Variants in SMURF1 observed in about 807,000 individuals in gnomAD.
SMURF1 encodes SMAD specific E3 ubiquitin protein ligase 1.
A neutral mutation model predicts 98.0 loss-of-function variants in SMURF1; 44 were observed. The observed-to-expected ratio is 0.45, with a 90% CI of 0.35 to 0.58. The LOEUF is 0.58. SMURF1 is among the 20% of genes least tolerant of loss of function. The probability of loss-of-function intolerance (pLI) is 0.00; values close to 1 mark genes in which losing one functional copy is unlikely to be tolerated. For missense variants in SMURF1, 687 were observed against 938.4 expected, an observed-to-expected ratio of 0.73 and a Z score of 3.50; for synonymous variants, 396 against 374.9, an observed-to-expected ratio of 1.06 and a Z score of -0.65.
chr7:99,107,468 CAA>C (rs918454718), intron 1 of SMURF1, among the ~76,000 whole-genome samples: 1 of 151,990 alleles, frequency 6.6e-6, no homozygotes, highest in African/African-American at 2.4e-5. Context: ...AACAAACGAA[CAA>C]AAAAGACACT....
chr7:99,040,216 C>T (rs866691509), intron 13 of SMURF1, among the ~76,000 whole-genome samples, 162 bp downstream of exon 13: 5 of 140,140 alleles, frequency 3.6e-5, no homozygotes, highest in Middle Eastern at 3.5e-3. Flanking sequence ...TGCCCGCCTC[C>T]GCCTTCCAAA....
chr7:99,099,671 T>A (rs913319022), intron 1 of SMURF1, among the ~76,000 whole-genome samples: 4 of 152,134 alleles, frequency 2.6e-5, no homozygotes, highest in African/African-American at 9.7e-5. Flanking sequence ...CTCTCATGAA[T>A]AGATTAATGC....
chr7:99,076,993 TA>T lies in SMURF1; in HGVS notation c.56-15157del, dbSNP rs932552076. ...TTGTTCTAAAAAATAATGTCTATAA[TA>T]AAAAAAAAAACAAAAAAGGTTACAG... is the stretch of plus-strand genomic sequence containing the variant. On this transcript the variant is annotated intron_variant, in intron 1 of 17. Transcript: ENST00000361368. Among the ~76,000 whole-genome samples the T allele has an allele frequency of 2.7e-3, 373 of 138,042 alleles. 1 individual carries two copies. Among genetic ancestry groups the T allele is most frequent in the African/African-American group, 8.6e-3 (311 of 35,960 alleles). 90.6% of individuals were successfully genotyped at this position (138,042 alleles called of 152,430 possible). A position where few individuals can be genotyped will look rare whatever the true frequency, so the allele number is the denominator to read the frequency against.
At chr7:99,137,945 TTTTA>T (rs1278347539) in intron 1 of SMURF1, among the ~76,000 whole-genome samples, 1 of 152,250 alleles carries the variant, frequency 6.6e-6, no homozygotes, top group African/African-American at 2.4e-5. Context: ...TGCTTTTGTT[TTTTA>T]AACATAGCTC....
intron 10 of SMURF1, among the ~76,000 whole-genome samples, chr7:99,046,731 CAAAAAAA>C (rs56788889): frequency 4.0e-5 from 3 of 74,706 alleles, no homozygotes; most frequent in African/African-American, 1.1e-4. Context: ...GACTCCGTCT[CAAAAAAA>C]AAAAAAAAAA....
chr7:99,047,981 A>G, intron 9 of SMURF1, 99 bp from the exon 10 acceptor site: 1 of 1,101,278 alleles, frequency 9.1e-7, no homozygotes, highest in Non-Finnish European at 1.3e-6. Context: ...AGCTAGCTGC[A>G]CACAACTTCA....
In SMURF1 at chr7:99,047,856, C is replaced by T. The variant is rs1235455228; in HGVS notation, c.980G>A (p.Ser327Asn). ...CTCACTGGGCAGTGGCAGCGGCTGG[C>T]TGGGCTCCTTGAGTTGGCACTGGTG... The part of the protein sequence containing the change: ...MNHQCQLKEP[S>N]QPLPLPSEGS... The change falls in exon 10 of 18, where the codon AGC becomes AAC. Residue 327 changes from serine (S) to asparagine (N), a missense_variant. Physicochemically the swap from Ser to Asn is conservative, Grantham distance 46. Transcript: ENST00000361368. The T allele has an allele frequency of 6.2e-7, 1 of 1,614,084 alleles. No homozygotes were observed.
intron 1 of SMURF1, among the ~76,000 whole-genome samples, chr7:99,069,402 A>C (rs1048610974): frequency 6.6e-6 from 1 of 152,224 alleles, no homozygotes; most frequent in Non-Finnish European, 1.5e-5. Context: ...TCTGTCACCC[A>C]GGCTAGAATG....
intron 1 of SMURF1, among the ~76,000 whole-genome samples, chr7:99,104,135 C>A (rs1458437149): frequency 1.3e-5 from 2 of 152,184 alleles, no homozygotes; most frequent in Admixed American, 6.5e-5. Context: ...GATCCGCCTG[C>A]CTCGGCCTCC....
chr7:99,042,111 T>C lies in SMURF1; in HGVS notation c.1371+7A>G, dbSNP rs764901368. 3.1e-6 allele frequency: 5 copies of C among 1,602,264 alleles called. No individual in the cohort carries two copies. The highest frequency in any genetic ancestry group is 1.3e-5 in the African/African-American group (1 of 74,826). Reference sequence around the variant, plus strand: ...AATTCCCTACCTCTTTGTTCATTCATACTTACGGGGTTGATTGAAGAATCC... The same window carrying C: ...AATTCCCTACCTCTTTGTTCATTCACACTTACGGGGTTGATTGAAGAATCC... On this transcript the variant is annotated splice_region_variant and intron_variant, in intron 12 of 17. Coordinates refer to ENST00000361368, the MANE Select transcript of SMURF1 (RefSeq NM_181349.3).
intron 16 of SMURF1, 41 bp downstream of exon 16, chr7:99,035,474 A>T (rs1445654720): frequency 6.2e-7 from 1 of 1,609,180 alleles, no homozygotes; most frequent in Non-Finnish European, 8.5e-7. Flanking sequence ...CACAGCGCAC[A>T]TAGACGCGTC....
chr7:99,035,371 G>A (rs1795095948), intron 16 of SMURF1, 144 bp downstream of exon 16: 1 of 1,036,154 alleles, frequency 9.7e-7, no homozygotes, highest in Non-Finnish European at 1.4e-6. Context: ...ACCTCTGTAG[G>A]GCAGAGCATT....
intron 9 of SMURF1, 157 bp from the exon 10 acceptor site, chr7:99,048,039 T>G: frequency 1.5e-6 from 1 of 675,456 alleles, no homozygotes; most frequent in East Asian, 2.7e-5. Flanking sequence ...TAGCTAGCTG[T>G]GTCAAACTTG....
At chr7:99,087,080 A>C (rs1796697619) in intron 1 of SMURF1, among the ~76,000 whole-genome samples, 2 of 152,212 alleles carry the variant, frequency 1.3e-5, no homozygotes, top group African/African-American at 4.8e-5. Context: ...CTCAAAAAAA[A>C]TTAAATGTAC....
chr7:99,098,754 A>G (rs1222914472), intron 1 of SMURF1, among the ~76,000 whole-genome samples: 3 of 152,130 alleles, frequency 2.0e-5, no homozygotes, highest in Non-Finnish European at 1.5e-5. Flanking sequence ...TGAATAATAC[A>G]CTATTTCCAT....
At chr7:99,040,057 C>T (rs920210301) in intron 13 of SMURF1, among the ~76,000 whole-genome samples, 1 of 152,058 alleles carries the variant, frequency 6.6e-6, no homozygotes, top group African/African-American at 2.4e-5. Context: ...GAAACTAGTC[C>T]ATGAAGAGAA....
intron 11 of SMURF1, among the ~76,000 whole-genome samples, chr7:99,043,754 A>C (rs1349046877): frequency 1.3e-5 from 2 of 152,208 alleles, no homozygotes; most frequent in Non-Finnish European, 2.9e-5. Flanking sequence ...CAAGTTCCTG[A>C]CTGCATGTAG....
chr7:99,049,486 T>C, intron 9 of SMURF1, 77 bp downstream of exon 9: 1 of 1,429,072 alleles, frequency 7.0e-7, no homozygotes, highest in Non-Finnish European at 9.6e-7. Flanking sequence ...AGTCAATAAA[T>C]TCACAAAAAT....
intron 1 of SMURF1, among the ~76,000 whole-genome samples, chr7:99,137,616 A>T (rs1798022396): frequency 1.3e-5 from 2 of 152,234 alleles, no homozygotes; most frequent in Non-Finnish European, 1.5e-5. Flanking sequence ...TGCATCACCC[A>T]GCAGCCAGGA....
Sources: gnomAD v4.1 joint callset for allele counts (sites outside exome capture counted in the v4.1 genomes callset) on GRCh38, gnomAD v4.1.1 for gene constraint, MANE v1.5 for transcripts, NCBI Gene and HGNC (gene_info 2026-07-23, HGNC 2026-07-21) for gene names.